CAMK4: variants seen among roughly 807,000 people sequenced by gnomAD.
CAMK4 encodes calcium/calmodulin-dependent protein kinase type IV.
Under a neutral mutation model 44.9 loss-of-function variants are expected in CAMK4, and 22 were observed. The observed-to-expected ratio is 0.49, with a 90% CI of 0.35 to 0.70. The LOEUF (loss-of-function observed/expected upper bound fraction) is 0.70. Among genes scored for constraint, CAMK4 ranks in the 30% least tolerant of loss-of-function variants. CAMK4 has a pLI of 0.01. For synonymous variants in CAMK4, 218 were observed against 215.4 expected, an observed-to-expected ratio of 1.01 and a Z score of -0.11; for missense variants, 498 against 586.8, an observed-to-expected ratio of 0.85 and a Z score of 1.56.
intron 5 of CAMK4, among the ~76,000 whole-genome samples, chr5:111,408,028 G>T (rs2112889086): frequency 6.6e-6 from 1 of 152,210 alleles, no homozygotes; most frequent in South Asian, 2.1e-4. Context: ...AGAATCGCTT[G>T]AACCTGGGAG....
In CAMK4 at chr5:111,491,649, A is replaced by T. The variant is rs1318565215; in HGVS notation, c.*7183A>T. Reference sequence around the variant, plus strand: ...ATGAATTGAGTTGGTTGAGAGTAGAATTAAAAAGATTTCTAGCACTTTGAG... The same window carrying T: ...ATGAATTGAGTTGGTTGAGAGTAGATTTAAAAAGATTTCTAGCACTTTGAG... On this transcript the variant is annotated 3_prime_UTR_variant, in exon 11 of 11. Transcript: ENST00000282356. 2.6e-5 allele frequency: 4 copies of T among 152,196 alleles called. No individual in the cohort carries two copies. The highest frequency in any genetic ancestry group is 6.5e-5 in the Admixed American group (1 of 15,278). The allele number at this position is 152,196 out of a possible 1,614,324, so 9.4% of individuals were successfully genotyped here.
At position 111,263,273 on chromosome 5, in the gene CAMK4, C is replaced by A. The variant is rs192698948; in HGVS notation, c.161+38629C>A. 1.6e-4 allele frequency among the ~76,000 whole-genome samples: 25 copies of A among 152,214 alleles called. No individual in the cohort carries two copies. In the East Asian group the frequency reaches 3.9e-3, roughly 23 times the overall value. ...TGGTGATCTTCAGGCAGTACTGGAA[C>A]TTTTATGTTATATACATCATAATTA... On this transcript the variant is annotated intron_variant, in intron 1 of 10. Transcript: ENST00000282356.
chr5:111,275,050 T>C (rs182103144), intron 1 of CAMK4, among the ~76,000 whole-genome samples: 3 of 152,266 alleles, frequency 2.0e-5, no homozygotes, highest in Admixed American at 2.0e-4. Flanking sequence ...CAATGTAATG[T>C]TATGATACAT....
intron 9 of CAMK4, among the ~76,000 whole-genome samples, chr5:111,478,760 T>C (rs1307068647): frequency 2.0e-5 from 3 of 152,244 alleles, no homozygotes; most frequent in Non-Finnish European, 4.4e-5. Context: ...TACTACCTTA[T>C]AAGTATAAAA....
chr5:111,397,298 A>G (rs1580698984), intron 5 of CAMK4, among the ~76,000 whole-genome samples: 1 of 152,230 alleles, frequency 6.6e-6, no homozygotes, highest in Non-Finnish European at 1.5e-5. Flanking sequence ...GGATTGTGGA[A>G]AAGATTAAAT....
chr5:111,417,408 G>A (rs1419882723), intron 5 of CAMK4, among the ~76,000 whole-genome samples: 2 of 151,920 alleles, frequency 1.3e-5, no homozygotes, highest in Non-Finnish European at 2.9e-5. Context: ...TAGAGATGGG[G>A]TTTCACCATG....
At chr5:111,229,736 T>C (rs1378020887) in intron 1 of CAMK4, among the ~76,000 whole-genome samples, 1 of 152,208 alleles carries the variant, frequency 6.6e-6, no homozygotes, top group Non-Finnish European at 1.5e-5. Context: ...GGTAGGTTTT[T>C]TTATCTTACT....
chr5:111,425,154 C>T (rs1236628860), intron 5 of CAMK4, among the ~76,000 whole-genome samples: 8 of 126,304 alleles, frequency 6.3e-5, no homozygotes, highest in South Asian at 2.7e-4. Flanking sequence ...CAGACCAAGA[C>T]GCTGTCTTAA....
At position 111,486,595 on chromosome 5, in the gene CAMK4, G is replaced by A. The variant is rs1002361985; in HGVS notation, c.*2129G>A. 3.3e-5 allele frequency: 5 copies of A among 152,188 alleles called. No individual in the cohort carries two copies. The highest frequency in any genetic ancestry group is 4.8e-5 in the African/African-American group (2 of 41,272). The allele number at this position is 152,188 out of a possible 1,614,324, so 9.4% of individuals were successfully genotyped here. A position where few individuals can be genotyped will look rare whatever the true frequency, so the allele number is the denominator to read the frequency against. On this transcript the variant is annotated 3_prime_UTR_variant, in exon 11 of 11. Transcript: ENST00000282356. ...GGGTCTTTTTAGAAAGTGGCACTTG[G>A]CGCTTAGCTGAAAGATCAGAACACA...
At chr5:111,366,191 G>A (rs1389433450) in intron 2 of CAMK4, among the ~76,000 whole-genome samples, 1 of 152,056 alleles carries the variant, frequency 6.6e-6, no homozygotes, top group Non-Finnish European at 1.5e-5. Context: ...AATATCTCTG[G>A]ACATCATTCA....
At chr5:111,276,908 C>G (rs1181665001) in intron 1 of CAMK4, among the ~76,000 whole-genome samples, 1 of 152,012 alleles carries the variant, frequency 6.6e-6, no homozygotes, top group Non-Finnish European at 1.5e-5. Flanking sequence ...CCTTTTTGAT[C>G]ACAAAAGTTT....
At chr5:111,345,254 AAGTC>A (rs1348206507) in intron 2 of CAMK4, among the ~76,000 whole-genome samples, 2 of 151,930 alleles carry the variant, frequency 1.3e-5, no homozygotes, top group African/African-American at 2.4e-5. Context: ...AATTTAATGA[AAGTC>A]AGTAATAATT....
chr5:111,432,130 A>G (rs1753470254), intron 5 of CAMK4, among the ~76,000 whole-genome samples: 1 of 152,200 alleles, frequency 6.6e-6, no homozygotes, highest in Non-Finnish European at 1.5e-5. Flanking sequence ...ATGACTGGAT[A>G]AAGAAAATGT....
intron 1 of CAMK4, among the ~76,000 whole-genome samples, chr5:111,260,697 T>C (rs1651403): frequency 6.6e-6 from 1 of 152,168 alleles, no homozygotes; most frequent in African/African-American, 2.4e-5. Flanking sequence ...TTTTATTAGG[T>C]TTTGTTCGTT....
chr5:111,469,823 A>G (rs758267858), intron 7 of CAMK4, among the ~76,000 whole-genome samples: 16 of 152,216 alleles, frequency 1.1e-4, no homozygotes, highest in Admixed American at 2.0e-4. Flanking sequence ...TTTACTAATA[A>G]TATAATGGGT....
chr5:111,295,833 G>A (rs1186195670), intron 1 of CAMK4, among the ~76,000 whole-genome samples: 1 of 152,206 alleles, frequency 6.6e-6, no homozygotes, highest in African/African-American at 2.4e-5. Context: ...TATGCTTTTC[G>A]GTTTTGGTCA....
chr5:111,421,874 G>C (rs998505783), intron 5 of CAMK4, among the ~76,000 whole-genome samples: 9 of 152,136 alleles, frequency 5.9e-5, no homozygotes, highest in African/African-American at 2.2e-4. Flanking sequence ...CTGTTCTCAT[G>C]ATAGTGAATA....
chr5:111,369,761 T>G (rs1331911280), intron 2 of CAMK4, among the ~76,000 whole-genome samples: 1 of 152,216 alleles, frequency 6.6e-6, no homozygotes, highest in Non-Finnish European at 1.5e-5. Context: ...TATTTGCACA[T>G]CATTTATGAA....
chr5:111,428,761 A>G (rs1237241177), intron 5 of CAMK4, among the ~76,000 whole-genome samples: 1 of 152,228 alleles, frequency 6.6e-6, no homozygotes, highest in African/African-American at 2.4e-5. Context: ...AAATCTAAAG[A>G]GAAGGTAGAG....
Sources: gnomAD v4.1 joint callset for allele counts (sites outside exome capture counted in the v4.1 genomes callset) on GRCh38, gnomAD v4.1.1 for gene constraint, MANE v1.5 for transcripts, NCBI Gene and HGNC (gene_info 2026-07-23, HGNC 2026-07-21) for gene names.